The following MACF1 variants were observed in gnomAD, a reference collection of about 807,000 sequenced individuals.
MACF1 encodes microtubule-actin cross-linking factor 1.
MACF1 carries 193 observed loss-of-function variants against 854.8 expected under a neutral mutation model. The observed-to-expected ratio is 0.23, with a 90% CI of 0.20 to 0.25. The LOEUF (loss-of-function observed/expected upper bound fraction) is 0.25, where lower values mean the gene tolerates loss of function less well. Among genes scored for constraint, MACF1 ranks in the 10% least tolerant of loss-of-function variants. The probability of loss-of-function intolerance (pLI) is 1.00; values close to 1 mark genes in which losing one functional copy is unlikely to be tolerated. For synonymous variants in MACF1, 3,185 were observed against 3,226.7 expected, an observed-to-expected ratio of 0.99 and a Z score of 0.44; for missense variants, 7,722 against 8,929.1, an observed-to-expected ratio of 0.86 and a Z score of 5.45.
chr1:39,296,746 GAAA>G (rs1229958722), intron 20 of MACF1, among the ~76,000 whole-genome samples: 6 of 62,376 alleles, frequency 9.6e-5, no homozygotes, highest in Middle Eastern at 6.6e-3. Context: ...AAGAAAGAAA[GAAA>G]GAAAGGAAGG....
chr1:39,324,388 T>C (rs753180060), intron 34 of MACF1, 43 bp downstream of exon 34: 12 of 1,602,542 alleles, frequency 7.5e-6, no homozygotes, highest in Admixed American at 3.4e-5. Context: ...TAGAATAATA[T>C]GTGATAATAC....
intron 58 of MACF1, 120 bp downstream of exon 58, chr1:39,388,778 C>T: frequency 2.2e-6 from 2 of 894,612 alleles, no homozygotes; most frequent in South Asian, 4.2e-5. Flanking sequence ...ACTTCCATCA[C>T]CATGAAAGCA....
intron 58 of MACF1, among the ~76,000 whole-genome samples, chr1:39,417,713 A>T (rs201311354): frequency 0.018 from 1,027 of 55,602 alleles, 30 homozygotes; most frequent in East Asian, 0.11. Flanking sequence ...CACCCAGTTA[A>T]TTTTTTTTTT....
chr1:39,434,645 C>G lies in MACF1; in HGVS notation c.17784+13C>G, dbSNP rs1343618521. ...AGAGGAAATGAGGGTAAGGAGCATG[C>G]CAAGTTTCATTTTATTGTTCTAAAA... On this transcript the variant is annotated intron_variant, in intron 69 of 100. Transcript: ENST00000564288. 2 of 1,608,850 alleles carry G rather than the reference C, an allele frequency of 1.2e-6. No homozygotes were observed. The highest frequency in any genetic ancestry group is 1.7e-6 in the Non-Finnish European group (2 of 1,176,324).
intron 20 of MACF1, among the ~76,000 whole-genome samples, chr1:39,296,776 G>GGAAGGA (rs1294687903): frequency 0.1 from 8,354 of 80,462 alleles, 944 homozygotes; most frequent in South Asian, 0.15. Flanking sequence ...GGAAGGAAAA[G>GGAAGGA]AAAGAAAGAA....
chr1:39,368,773 A>G (rs1263646226), intron 50 of MACF1, among the ~76,000 whole-genome samples: 1 of 152,128 alleles, frequency 6.6e-6, no homozygotes, highest in Non-Finnish European at 1.5e-5. Flanking sequence ...AAGTGCTGGG[A>G]TTACAGGCAT....
chr1:39,113,083 T>C (rs1642452782), intron 2 of MACF1, among the ~76,000 whole-genome samples: 1 of 152,162 alleles, frequency 6.6e-6, no homozygotes, highest in Non-Finnish European at 1.5e-5. Flanking sequence ...ATCATTTACA[T>C]AACCTCTTCA....
chr1:39,410,875 C>G lies in MACF1; in HGVS notation c.15817-11499C>G, dbSNP rs568967692. 9 of 1,614,012 alleles carry G rather than the reference C, an allele frequency of 5.6e-6. No individual in the cohort carries two copies. The African/African-American group carries it at 8.0e-5, about 14-fold the overall frequency. On this transcript the variant is annotated intron_variant, in intron 58 of 100. Transcript: ENST00000564288. ...ACATGTGTCCAAATCCATAGGTATTCCAGAGGTGCAAGATTTTAAAAACTT... is the reference window on the plus strand; with the variant it reads ...ACATGTGTCCAAATCCATAGGTATTGCAGAGGTGCAAGATTTTAAAAACTT...
intron 6 of MACF1, among the ~76,000 whole-genome samples, chr1:39,274,965 A>G (rs999844282): frequency 6.6e-6 from 1 of 152,236 alleles, no homozygotes; most frequent in African/African-American, 2.4e-5. Context: ...GTAGAAAAAT[A>G]GGGGAAAGCC....
chr1:39,135,413 A>T (rs946691058), intron 2 of MACF1, among the ~76,000 whole-genome samples: 3 of 151,842 alleles, frequency 2.0e-5, no homozygotes, highest in Non-Finnish European at 4.4e-5. Context: ...TGCCTGACTA[A>T]TTTTTGTATT....
chr1:39,439,469 C>T lies in MACF1; in HGVS notation c.18416C>T (p.Ser6139Phe). The change falls in exon 72 of 101, where the codon TCC becomes TTC. Residue 6139 changes from serine to phenylalanine, a missense_variant. By Grantham distance (155) the Ser-to-Phe change is radical. This residue lies in a region of MACF1 where 2,807 missense variants were observed against 3,235.8 expected (regional missense o/e 0.87). Coordinates refer to ENST00000564288, the MANE Select transcript of MACF1 (RefSeq NM_001394062.1). ...TTGGAAAGCCCAGGCATTGATCCTT[C>T]CATCATCAAACAACAGGTTGAAGCT... ...HDLESPGIDP[S>F]IIKQQVEAAE... 1 of 1,614,128 alleles carries T rather than the reference C, an allele frequency of 6.2e-7. No homozygotes were observed. The highest frequency in any genetic ancestry group is 8.5e-7 in the Non-Finnish European group (1 of 1,179,972).
chr1:39,143,359 G>A (rs1557479771), intron 2 of MACF1, among the ~76,000 whole-genome samples: 1 of 152,146 alleles, frequency 6.6e-6, no homozygotes, highest in South Asian at 2.1e-4. Context: ...GCAATGTCTG[G>A]TTCATTTGTA....
chr1:39,407,201 G>C (rs74066779), intron 58 of MACF1, among the ~76,000 whole-genome samples: 2,199 of 152,290 alleles, frequency 0.014, 37 homozygotes, highest in African/African-American at 0.05. Flanking sequence ...ATAGCTGTGA[G>C]AAGCTCTTTG....
upstream of MACF1, among the ~76,000 whole-genome samples, chr1:39,203,834 T>G (rs1173403822): frequency 6.6e-6 from 1 of 152,250 alleles, no homozygotes; most frequent in Non-Finnish European, 1.5e-5. Flanking sequence ...AATTTGTTTA[T>G]ACATTTACCA....
chr1:39,206,791 A>G (rs773747445), intron 1 of MACF1: 2 of 152,156 alleles, frequency 1.3e-5, no homozygotes, highest in Non-Finnish European at 2.9e-5. Flanking sequence ...CCATTTTATT[A>G]TAATTGCAAT....
At position 39,332,413 on chromosome 1, in the gene MACF1, G is replaced by A; in HGVS notation, c.5825G>A (p.Gly1942Glu). The A allele has an allele frequency of 1.2e-6, 2 of 1,613,978 alleles. No individual in the cohort carries two copies. Among genetic ancestry groups the A allele is most frequent in the Non-Finnish European group, 1.7e-6 (2 of 1,180,024 alleles). The change falls in exon 37 of 101, where the codon GGA (glycine) becomes GAA (glutamate). Residue 1942 changes from glycine (G) to glutamate (E), a missense_variant. By Grantham distance (98) the Gly-to-Glu change is moderately conservative. Coordinates refer to ENST00000564288, the MANE Select transcript of MACF1 (RefSeq NM_001394062.1). ...TCTGCAGAACAAAATATTAATCCTG[G>A]AGCAGCAGTTCTACCGTGCAGCAAG... ...ADSAEQNINP[G>E]AAVLPCSKSH...
intron 2 of MACF1, among the ~76,000 whole-genome samples, chr1:39,131,179 T>TTTTA (rs1557472504): frequency 7.1e-6 from 1 of 141,332 alleles, no homozygotes; most frequent in Non-Finnish European, 1.6e-5. Flanking sequence ...TTTTTTTTTT[T>TTTTA]AAGAGACAGA....
chr1:39,226,486 G>A (rs942048437), intron 1 of MACF1, among the ~76,000 whole-genome samples: 3 of 152,010 alleles, frequency 2.0e-5, no homozygotes, highest in Non-Finnish European at 1.5e-5. Flanking sequence ...GATTACAGGC[G>A]TGTGCCACCA....
At position 39,441,031 on chromosome 1, in the gene MACF1, A is replaced by T. The variant is rs778723444; in HGVS notation, c.18476A>T (p.His6159Leu). ...ATTAAGGAAGAGACAGATGGTCTGCATGAAGAGCTGGAGTTTATTCGGATC... is the reference window on the plus strand; with the variant it reads ...ATTAAGGAAGAGACAGATGGTCTGCTTGAAGAGCTGGAGTTTATTCGGATC... ...ETIKEETDGL[H>L]EELEFIRILG... is the part of the protein sequence containing the mutation. Residue 6159 changes from histidine (H) to leucine (L), a missense_variant, in exon 73 of 101, where the codon CAT (histidine) becomes CTT (leucine). Coordinates refer to ENST00000564288, the MANE Select transcript of MACF1 (RefSeq NM_001394062.1). The T allele has an allele frequency of 3.7e-6, 6 of 1,614,090 alleles. No homozygotes were observed. Among genetic ancestry groups the T allele is most frequent in the Middle Eastern group, 1.6e-4 (1 of 6,084 alleles).
Sources: allele counts gnomAD v4.1 joint callset (sites outside exome capture counted in the v4.1 genomes callset), GRCh38; gene constraint gnomAD v4.1.1; regional missense constraint gnomAD v4.1.1; transcripts MANE v1.5; gene names NCBI Gene and HGNC (gene_info 2026-07-23, HGNC 2026-07-21).